The following POLN variants were observed in gnomAD, a reference collection of about 807,000 sequenced individuals.
POLN encodes the protein DNA polymerase nu, also known as DNA polymerase N.
A neutral mutation model predicts 113.5 loss-of-function variants in POLN; 108 were observed. The ratio of observed to expected loss-of-function variants is 0.95; its 90% CI spans 0.81 to 1.12. POLN has a LOEUF of 1.12. Among genes scored for constraint, POLN ranks in the 50% most tolerant of loss-of-function variants. The pLI, the probability that POLN is intolerant of heterozygous loss-of-function variation, is 0.00. For missense variants in POLN, 1,097 were observed against 1,077.1 expected, an observed-to-expected ratio of 1.02 and a Z score of -0.26; for synonymous variants, 386 against 391.5, an observed-to-expected ratio of 0.99 and a Z score of 0.17.
chr4:2,210,658 C>A (rs969780151), intron 4 of POLN, among the ~76,000 whole-genome samples: 1 of 147,986 alleles, frequency 6.8e-6, no homozygotes, highest in African/African-American at 2.5e-5. Context: ...CATGGTGGCT[C>A]ACGCCTGTAA....
chr4:2,239,017 A>C, intron 2 of POLN: 1 of 1,538,642 alleles, frequency 6.5e-7, no homozygotes, highest in Non-Finnish European at 8.7e-7. Context: ...TAGAAATTTT[A>C]GCATCCAAAT....
chr4:2,193,126 C>T, intron 7 of POLN, 78 bp downstream of exon 7: 1 of 1,098,798 alleles, frequency 9.1e-7, no homozygotes, highest in Non-Finnish European at 1.3e-6. Flanking sequence ...GACATGGCTG[C>T]CCTCACCATT....
At chr4:2,096,617 TA>T (rs943033120) in intron 19 of POLN, among the ~76,000 whole-genome samples, 1 of 150,404 alleles carries the variant, frequency 6.6e-6, no homozygotes, top group Non-Finnish European at 1.5e-5. Flanking sequence ...GCTGCTTTTG[TA>T]AACATCCTTA....
rs562254287 is a variant in POLN, at chr4:2,231,839, A to G, written c.-12-2596T>C. 411 of 644,860 alleles carry G rather than the reference A, an allele frequency of 6.4e-4. 3 individuals are homozygous for G. Among genetic ancestry groups the G allele is most frequent in the South Asian group, 6.0e-3 (314 of 52,380 alleles). The allele number at this position is 644,860 out of a possible 1,614,324, so 39.9% of individuals were successfully genotyped here. On this transcript the variant is annotated intron_variant, in intron 2 of 25. Coordinates refer to ENST00000511885, the MANE Select transcript of POLN (RefSeq NM_181808.4). ...CAAATTAAATGTTCCATTGACCTCA[A>G]ATTTTAAAAATTTAGTAGTGTTTAT...
chr4:2,241,206 C>A, intron 2 of POLN: 1 of 365,068 alleles, frequency 2.7e-6, no homozygotes, highest in Non-Finnish European at 4.9e-6. Context: ...GACAGGTAGT[C>A]GTAGCTGCAA....
chr4:2,148,888 T>A (rs899722571), intron 16 of POLN, among the ~76,000 whole-genome samples: 1 of 152,098 alleles, frequency 6.6e-6, no homozygotes, highest in East Asian at 1.9e-4. Flanking sequence ...TATCAAACAA[T>A]GTGAGAAGAA....
At chr4:2,235,950 C>A (rs1577797790) in intron 2 of POLN, among the ~76,000 whole-genome samples, 1 of 151,980 alleles carries the variant, frequency 6.6e-6, no homozygotes, top group African/African-American at 2.4e-5. Context: ...AAAAAAAATA[C>A]AGAGGCGGTT....
chr4:2,223,587 G>A (rs1452576239), intron 3 of POLN, among the ~76,000 whole-genome samples: 1 of 152,174 alleles, frequency 6.6e-6, no homozygotes, highest in Non-Finnish European at 1.5e-5. Flanking sequence ...CTGTCATATA[G>A]TGAACTTACA....
intron 19 of POLN, among the ~76,000 whole-genome samples, chr4:2,114,668 T>G (rs1731275164): frequency 6.6e-6 from 1 of 152,182 alleles, no homozygotes; most frequent in Admixed American, 6.5e-5. Context: ...CTTTCAAGAT[T>G]TTATCTTTGG....
At chr4:2,114,809 T>C (rs1731277512) in intron 19 of POLN, among the ~76,000 whole-genome samples, 1 of 152,146 alleles carries the variant, frequency 6.6e-6, no homozygotes, top group South Asian at 2.1e-4. Flanking sequence ...TCAGCCATCA[T>C]ACCTTCCAAT....
At chr4:2,167,547 G>C (rs930704396) in intron 13 of POLN, among the ~76,000 whole-genome samples, 10 of 152,144 alleles carry the variant, frequency 6.6e-5, no homozygotes, top group Admixed American at 3.3e-4. Flanking sequence ...GAACCCTGAG[G>C]TGAGTGTCAA....
At chr4:2,091,398 G>C (rs1730659186) in intron 20 of POLN, among the ~76,000 whole-genome samples, 1 of 152,124 alleles carries the variant, frequency 6.6e-6, no homozygotes. Context: ...AAGCAGCAGG[G>C]ACGAGAGACT....
intron 19 of POLN, among the ~76,000 whole-genome samples, chr4:2,099,691 A>G (rs1213337589): frequency 6.6e-6 from 1 of 152,182 alleles, no homozygotes; most frequent in Admixed American, 6.5e-5. Flanking sequence ...GTTTATAATA[A>G]CATACCAGTA....
At chr4:2,229,876 A>G (rs999525059) in intron 2 of POLN, 2 of 152,268 alleles carry the variant, frequency 1.3e-5, no homozygotes, top group African/African-American at 4.8e-5. Flanking sequence ...AAACCTACCT[A>G]GTAACACAAC....
intron 2 of POLN, chr4:2,236,112 T>C: frequency 1.6e-6 from 1 of 610,882 alleles, no homozygotes. Flanking sequence ...AAATATACTT[T>C]ATATTAAGGC....
At chr4:2,171,283 T>A in intron 11 of POLN, 102 bp from the exon 12 acceptor site, 1 of 1,050,636 alleles carries the variant, frequency 9.5e-7, no homozygotes, top group South Asian at 1.5e-5. Context: ...ATGGGCACGG[T>A]GGCTTATGCC....
At chr4:2,216,511 C>A (rs1291204157) in intron 3 of POLN, among the ~76,000 whole-genome samples, 1 of 152,224 alleles carries the variant, frequency 6.6e-6, no homozygotes, top group Non-Finnish European at 1.5e-5. Flanking sequence ...CTTCCACAGA[C>A]CATCCTGCTG....
At chr4:2,223,128 C>T (rs545531580) in intron 3 of POLN, among the ~76,000 whole-genome samples, 46 of 152,202 alleles carry the variant, frequency 3.0e-4, no homozygotes, top group Non-Finnish European at 5.0e-4. Flanking sequence ...TGCCACCTGA[C>T]GAGGGGGGTT....
At chr4:2,203,355 G>T (rs1259194370) in intron 5 of POLN, among the ~76,000 whole-genome samples, 1 of 152,104 alleles carries the variant, frequency 6.6e-6, no homozygotes, top group African/African-American at 2.4e-5. Flanking sequence ...GCTGAAGCAG[G>T]TGGATCACAA....
Sources: gnomAD v4.1 joint callset for allele counts (sites outside exome capture counted in the v4.1 genomes callset) on GRCh38, gnomAD v4.1.1 for gene constraint, MANE v1.5 for transcripts, NCBI Gene and HGNC (gene_info 2026-07-23, HGNC 2026-07-21) for gene names.